Variants in YPEL2 observed in about 807,000 individuals in gnomAD.
YPEL2 encodes yippee like 2.
Under a neutral mutation model 19.1 loss-of-function variants are expected in YPEL2, and 2 were observed. The observed-to-expected ratio is 0.10, with a 90% CI of 0.04 to 0.33. YPEL2 has a LOEUF of 0.33. YPEL2 is among the 10% of genes least tolerant of loss of function. The pLI is 1.00. For missense variants in YPEL2, 66 were observed against 140.7 expected, an observed-to-expected ratio of 0.47 and a Z score of 2.68; for synonymous variants, 52 against 50.0, an observed-to-expected ratio of 1.04 and a Z score of -0.17.
intron 2 of YPEL2, among the ~76,000 whole-genome samples, chr17:59,356,572 C>T (rs1404400124): frequency 6.6e-6 from 1 of 152,208 alleles, no homozygotes; most frequent in Non-Finnish European, 1.5e-5. Context: ...AATCAATTGT[C>T]CAACTTCCAA....
rs767378887 is a variant in YPEL2, at chr17:59,397,239, G to A, written c.*49G>A. On this transcript the variant is annotated 3_prime_UTR_variant, in exon 5 of 5. Coordinates refer to ENST00000312655, the MANE Select transcript of YPEL2 (RefSeq NM_001005404.4). Reference sequence around the variant, plus strand: ...GTGTCCACGTGAACGCCATTCAACCGAACATTCTTCCCAAGCGTGAGAGAG... The same window carrying A: ...GTGTCCACGTGAACGCCATTCAACCAAACATTCTTCCCAAGCGTGAGAGAG... 23 of 1,437,266 alleles carry A rather than the reference G, an allele frequency of 1.6e-5. No individual in the cohort carries two copies. The highest frequency in any genetic ancestry group is 3.6e-4 in the Middle Eastern group (2 of 5,560). 89.0% of individuals were successfully genotyped at this position (1,437,266 alleles called of 1,614,324 possible). A position where few individuals can be genotyped will look rare whatever the true frequency, so the allele number is the denominator to read the frequency against.
chr17:59,367,960 T>A (rs1356133709), intron 2 of YPEL2, among the ~76,000 whole-genome samples: 1 of 152,216 alleles, frequency 6.6e-6, no homozygotes, highest in Non-Finnish European at 1.5e-5. Context: ...GACCTGGCTT[T>A]GTGCTAAATT....
chr17:59,388,930 C>A (rs1173234964), intron 3 of YPEL2: 1 of 206,814 alleles, frequency 4.8e-6, no homozygotes, highest in Non-Finnish European at 9.9e-6. Flanking sequence ...TATTCAGCAC[C>A]CAGGGATCAC....
chr17:59,384,464 C>G (rs1567757293), intron 2 of YPEL2, among the ~76,000 whole-genome samples: 1 of 152,060 alleles, frequency 6.6e-6, no homozygotes, highest in African/African-American at 2.4e-5. Flanking sequence ...ATAAGATTGG[C>G]CTTATTCACA....
chr17:59,343,650 G>GT (rs1336184843), intron 1 of YPEL2, among the ~76,000 whole-genome samples: 1 of 152,154 alleles, frequency 6.6e-6, no homozygotes, highest in Non-Finnish European at 1.5e-5. Context: ...TAATGACTGA[G>GT]TTTGATCTGT....
intron 1 of YPEL2, among the ~76,000 whole-genome samples, chr17:59,333,731 A>C (rs2047684311): frequency 6.6e-6 from 1 of 152,202 alleles, no homozygotes; most frequent in Admixed American, 6.5e-5. Context: ...AGAGGTCCTC[A>C]AACTTAAATG....
chr17:59,378,138 G>A (rs146272921), intron 2 of YPEL2, among the ~76,000 whole-genome samples: 151 of 152,060 alleles, frequency 9.9e-4, no homozygotes, highest in African/African-American at 3.5e-3. Flanking sequence ...CAGGCAACAC[G>A]ACACCATGAG....
intron 2 of YPEL2, among the ~76,000 whole-genome samples, chr17:59,379,984 C>A (rs987987440): frequency 1.4e-4 from 21 of 151,416 alleles, no homozygotes; most frequent in South Asian, 4.2e-4. Context: ...CCTCAGCCTC[C>A]CGAGTAGCTG....
chr17:59,383,609 A>AATATATATATATATATAT (rs1393786889), intron 2 of YPEL2, among the ~76,000 whole-genome samples: 1 of 20,914 alleles, frequency 4.8e-5, no homozygotes, highest in African/African-American at 1.8e-4. Flanking sequence ...AAAAAAAAAA[A>AATATATATATATATATAT]ATATATATAT....
rs1332471725 is a variant in YPEL2, at chr17:59,399,242, C to CAGA, written c.*2052_*2053insAGA. 1 of 152,636 alleles carries CAGA rather than the reference C, an allele frequency of 6.6e-6. No homozygotes were observed. The highest frequency in any genetic ancestry group is 6.5e-5 in the Admixed American group (1 of 15,288). The allele number at this position is 152,636 out of a possible 1,614,324, so 9.5% of individuals were successfully genotyped here. On this transcript the variant is annotated 3_prime_UTR_variant, in exon 5 of 5. Coordinates refer to ENST00000312655, the MANE Select transcript of YPEL2 (RefSeq NM_001005404.4). ...AGAAGCCATGGATTTCCCCTCTCTCCCTTCCCCCTCCTCAAGGAAATAGTC... is the reference window on the plus strand; with the variant it reads ...AGAAGCCATGGATTTCCCCTCTCTCCAGACTTCCCCCTCCTCAAGGAAATAGTC...
intron 2 of YPEL2, chr17:59,354,538 C>G (rs887589439): frequency 1.3e-5 from 2 of 152,202 alleles, no homozygotes; most frequent in Non-Finnish European, 2.9e-5. Context: ...ATCTAGTCAG[C>G]TCTTGTAGAA....
chr17:59,390,543 C>A (rs373668160), intron 4 of YPEL2, among the ~76,000 whole-genome samples: 92 of 152,196 alleles, frequency 6.0e-4, no homozygotes, highest in African/African-American at 2.1e-3. Context: ...TCAAAAACTG[C>A]CTTAATTAAC....
At chr17:59,347,513 C>A (rs1270477076) in intron 1 of YPEL2, among the ~76,000 whole-genome samples, 3 of 152,244 alleles carry the variant, frequency 2.0e-5, no homozygotes, top group African/African-American at 7.2e-5. Context: ...TTTAAATAGA[C>A]AACACTGGCT....
chr17:59,370,948 T>G lies in YPEL2; in HGVS notation c.118-17379T>G, dbSNP rs574253470. On this transcript the variant is annotated intron_variant, in intron 2 of 4. Transcript: ENST00000312655. ...GCAGTGGCCCTTTTTTGTTTTTTTG[T>G]TTTTGTTTTATTTTCCCCAGGAGCA... Among the ~76,000 whole-genome samples the G allele has an allele frequency of 1.4e-3, 216 of 152,162 alleles. 2 individuals are homozygous for G. The highest frequency in any genetic ancestry group is 6.9e-3 in the South Asian group (33 of 4,814).
rs532235242 is a variant in YPEL2 at position 59,375,111 on chromosome 17, G to A, written c.118-13216G>A. On this transcript the variant is annotated intron_variant, in intron 2 of 4. Coordinates refer to ENST00000312655, the MANE Select transcript of YPEL2 (RefSeq NM_001005404.4). The stretch of plus-strand genomic sequence containing the variant: ...TTCCTCTGGAGGTAGTGAGTTCTCT[G>A]CCCCTGAAAGTATTCAAGGAGAGGT... 3.3e-5 allele frequency among the ~76,000 whole-genome samples: 5 copies of A among 152,284 alleles called. No individual in the cohort carries two copies. The South Asian group carries it at 1.0e-3, about 32-fold the overall frequency.
Position 59,353,966 on chromosome 17 carries a change from C to A in YPEL2, c.117+440C>A. ...AGGAAGTTGTGAGACTGTGGAATTA[C>A]TAAAATGGGTGGCTTTTGGCAGGGA... On this transcript the variant is annotated intron_variant, in intron 2 of 4. Transcript: ENST00000312655. The surrounding 1 kb of genome is among the most constrained non-coding windows in gnomAD (Gnocchi z 4.8). The A allele has an allele frequency of 3.7e-6, 1 of 273,782 alleles. No homozygotes were observed. Among genetic ancestry groups the A allele is most frequent in the South Asian group, 3.8e-5 (1 of 26,132 alleles). The allele number at this position is 273,782 out of a possible 1,614,324, so 17.0% of individuals were successfully genotyped here.
At chr17:59,386,697 G>A (rs377563674) in intron 2 of YPEL2, among the ~76,000 whole-genome samples, 2 of 152,266 alleles carry the variant, frequency 1.3e-5, no homozygotes, top group African/African-American at 2.4e-5. Context: ...CTGGGACATT[G>A]TCTTATCCAA....
Position 59,353,781 on chromosome 17 carries a change from G to A in YPEL2, c.117+255G>A. On this transcript the variant is annotated intron_variant, in intron 2 of 4. Transcript: ENST00000312655. This position sits in a 1 kb window ranked among gnomAD's most constrained non-coding sequence, Gnocchi z 4.8. The stretch of plus-strand genomic sequence containing the variant: ...GGGAGCTGGCAGCTTGCAAGCCAGA[G>A]AAGGGAGGGGCTGGGGATTGATGGG... 2.2e-6 allele frequency: 1 copy of A among 453,108 alleles called. No individual in the cohort carries two copies. The highest frequency in any genetic ancestry group is 4.8e-5 in the East Asian group (1 of 20,652). 28.1% of individuals were successfully genotyped at this position (453,108 alleles called of 1,614,324 possible).
At chr17:59,349,060 G>C (rs943974642) in intron 1 of YPEL2, among the ~76,000 whole-genome samples, 18 of 150,398 alleles carry the variant, frequency 1.2e-4, no homozygotes, top group African/African-American at 4.4e-4. Flanking sequence ...TGTAGTCCCA[G>C]CTACTCGGGA....
Sources: allele counts gnomAD v4.1 joint callset (sites outside exome capture counted in the v4.1 genomes callset), GRCh38; gene constraint gnomAD v4.1.1; non-coding constraint Gnocchi (gnomAD v3.1); transcripts MANE v1.5; gene names NCBI Gene and HGNC (gene_info 2026-07-23, HGNC 2026-07-21).